The following SPMAP2L variants were observed in gnomAD, a reference collection of about 807,000 sequenced individuals.
The protein encoded by SPMAP2L is sperm microtubule associated protein 2-like.
chr4:56,531,144 A>G, the SPMAP2L span: 9 of 1,533,818 alleles, frequency 5.9e-6, no homozygotes, highest in South Asian at 9.5e-5. Flanking sequence ...GAGCCCCGCC[A>G]CGGCCTCAGC....
At chr4:56,537,753 C>T in the SPMAP2L span, among the ~76,000 whole-genome samples, 33 of 151,740 alleles carry the variant, frequency 2.2e-4, no homozygotes, top group East Asian at 5.8e-4. Context: ...TGCAGTGGCG[C>T]GCGATCTCGG....
At chr4:56,564,166 C>A in the SPMAP2L span, among the ~76,000 whole-genome samples, 1 of 147,286 alleles carries the variant, frequency 6.8e-6, no homozygotes, top group South Asian at 2.1e-4. Flanking sequence ...CATGGTCTCA[C>A]TCTGTCACCC....
the SPMAP2L span, among the ~76,000 whole-genome samples, chr4:56,534,323 GTCT>G: frequency 6.6e-6 from 1 of 152,100 alleles, no homozygotes. Flanking sequence ...TTTCTTAGAA[GTCT>G]TCTTTACTTG....
At chr4:56,602,871 G>T in the SPMAP2L span, among the ~76,000 whole-genome samples, 8 of 152,056 alleles carry the variant, frequency 5.3e-5, no homozygotes, top group East Asian at 1.5e-3. Context: ...TTTTAACATT[G>T]ACAAATTATG....
the SPMAP2L span, chr4:56,559,588 G>T: frequency 7.2e-7 from 1 of 1,396,216 alleles, no homozygotes; most frequent in South Asian, 1.6e-5. Flanking sequence ...TGCTTTTTGA[G>T]ACAGAGTCTC....
At chr4:56,560,206 C>A in the SPMAP2L span, among the ~76,000 whole-genome samples, 1 of 152,166 alleles carries the variant, frequency 6.6e-6, no homozygotes, top group Non-Finnish European at 1.5e-5. Flanking sequence ...GAATTAAAGA[C>A]ACTGTAGAAG....
the SPMAP2L span, chr4:56,593,737 G>A: frequency 2.6e-6 from 4 of 1,568,360 alleles, no homozygotes; most frequent in East Asian, 2.2e-5. Context: ...GGAAAGAAGT[G>A]TATTGTCTTG....
the SPMAP2L span, chr4:56,530,801 C>G: frequency 6.5e-7 from 1 of 1,535,402 alleles, no homozygotes; most frequent in East Asian, 2.4e-5. Context: ...ATTCTCGACA[C>G]TCACAGAGAG....
the SPMAP2L span, chr4:56,593,973 A>C: frequency 3.1e-6 from 5 of 1,609,714 alleles, no homozygotes; most frequent in Non-Finnish European, 4.2e-6. Context: ...GATACCTTGA[A>C]GATTCAGTGT....
the SPMAP2L span, among the ~76,000 whole-genome samples, chr4:56,531,559 C>T: frequency 6.6e-6 from 1 of 152,180 alleles, no homozygotes. Context: ...CACCATTCAT[C>T]TTTCTCTTTA....
the SPMAP2L span, among the ~76,000 whole-genome samples, chr4:56,564,292 C>T: frequency 2.0e-5 from 3 of 152,046 alleles, no homozygotes; most frequent in Admixed American, 2.0e-4. Context: ...GCACGCACCA[C>T]CATGCCTAGC....
At chr4:56,620,677 G>A in the SPMAP2L span, among the ~76,000 whole-genome samples, 1 of 152,194 alleles carries the variant, frequency 6.6e-6, no homozygotes, top group Non-Finnish European at 1.5e-5. Context: ...GAGCCACCGC[G>A]CCCGACATCC....
the SPMAP2L span, among the ~76,000 whole-genome samples, chr4:56,539,026 T>G: frequency 6.6e-6 from 1 of 152,198 alleles, no homozygotes; most frequent in Non-Finnish European, 1.5e-5. Flanking sequence ...TTTTTCTTCA[T>G]CCAACATTTA....
At chr4:56,603,472 A>AT in the SPMAP2L span, 2 of 515,740 alleles carry the variant, frequency 3.9e-6, no homozygotes, top group Non-Finnish European at 3.4e-6. Context: ...CACCATGATC[A>AT]TTAAATAGCA....
At chr4:56,593,749 T>C in the SPMAP2L span, 5 of 1,570,908 alleles carry the variant, frequency 3.2e-6, no homozygotes, top group Non-Finnish European at 1.8e-6. Context: ...ATTGTCTTGC[T>C]CTTCAAACCA....
the SPMAP2L span, among the ~76,000 whole-genome samples, chr4:56,534,144 C>A: frequency 6.6e-6 from 1 of 152,120 alleles, no homozygotes; most frequent in Non-Finnish European, 1.5e-5. Context: ...TCATCATATC[C>A]ATGTCCTCTT....
At chr4:56,574,116 C>T in the SPMAP2L span, among the ~76,000 whole-genome samples, 139 of 152,188 alleles carry the variant, frequency 9.1e-4, 2 homozygotes, top group Middle Eastern at 3.4e-3. Context: ...TGAAGGGCAG[C>T]GTTGTTAAGA....
the SPMAP2L span, among the ~76,000 whole-genome samples, chr4:56,535,787 T>A: frequency 6.6e-6 from 1 of 152,156 alleles, no homozygotes; most frequent in Non-Finnish European, 1.5e-5. Context: ...ATAAATTATA[T>A]GCAGTTCTCT....
chr4:56,581,477 G>T, the SPMAP2L span, among the ~76,000 whole-genome samples: 3 of 151,094 alleles, frequency 2.0e-5, no homozygotes, highest in African/African-American at 7.3e-5. Flanking sequence ...AAAATTAGCT[G>T]GGCATGGTGG....
Sources: gnomAD v4.1 joint callset for allele counts (sites outside exome capture counted in the v4.1 genomes callset) on GRCh38, gnomAD v4.1.1 for gene constraint, MANE v1.5 for transcripts, NCBI Gene and HGNC (gene_info 2026-07-23, HGNC 2026-07-21) for gene names.